SPIB: variants seen among roughly 807,000 people sequenced by gnomAD.
The protein encoded by SPIB is transcription factor Spi-B.
A neutral mutation model predicts 31.9 loss-of-function variants in SPIB; 7 were observed. The ratio of observed to expected loss-of-function variants is 0.22; its 90% CI spans 0.12 to 0.41. The LOEUF (loss-of-function observed/expected upper bound fraction) is 0.41, where lower values mean the gene tolerates loss of function less well. Ranked by LOEUF, SPIB falls within the 10% of genes least tolerant of loss-of-function variation. SPIB has a pLI of 1.00. For missense variants in SPIB, 327 were observed against 360.2 expected, an observed-to-expected ratio of 0.91 and a Z score of 0.75; for synonymous variants, 176 against 158.9, an observed-to-expected ratio of 1.11 and a Z score of -0.81.
Position 50,422,979 on chromosome 19 carries a change from G to A in SPIB, c.281G>A (p.Ser94Asn). 6.3e-7 allele frequency: 1 copy of A among 1,576,188 alleles called. No homozygotes were observed. Among genetic ancestry groups the A allele is most frequent in the Non-Finnish European group, 8.6e-7 (1 of 1,159,060 alleles). Residue 94 changes from serine to asparagine, a missense_variant, in exon 4 of 6, where the codon AGC (serine) becomes AAC (asparagine). By Grantham distance (46) the Ser-to-Asn change is conservative. Around this residue, in one of 4 missense-constraint regions of SPIB, gnomAD observed 238 missense variants for 228.8 expected, o/e 1.04. Transcript: ENST00000595883. ...GCAGGGAACCTCGAACTGGCCCCCA[G>A]CCTGGAGGCCCCGGGGCCTGGCCTC... Reference protein sequence around the residue: ...SPAGNLELAPSLEAPGPGLPA... With the variant: ...SPAGNLELAPNLEAPGPGLPA...
At chr19:50,420,294 T>C (rs2039478332) in intron 2 of SPIB, among the ~76,000 whole-genome samples, 1 of 152,228 alleles carries the variant, frequency 6.6e-6, no homozygotes, top group African/African-American at 2.4e-5. Context: ...CGGAATACTA[T>C]ACCCAACACC....
intron 1 of SPIB, 24 bp from the exon 2 acceptor site, chr19:50,419,922 G>C: frequency 6.5e-7 from 1 of 1,540,674 alleles, no homozygotes; most frequent in South Asian, 1.2e-5. Context: ...GCCTCAGCAT[G>C]CCCCTGTGTC....
chr19:50,419,640 C>T (rs1489450332), intron 1 of SPIB, among the ~76,000 whole-genome samples: 1 of 152,128 alleles, frequency 6.6e-6, no homozygotes, highest in Admixed American at 6.5e-5. Context: ...CCGCACTTGA[C>T]CCAGGCCCCC....
chr19:50,422,297 G>C (rs1396469606), intron 2 of SPIB, among the ~76,000 whole-genome samples, 176 bp from the exon 3 acceptor site: 1 of 152,156 alleles, frequency 6.6e-6, no homozygotes, highest in Non-Finnish European at 1.5e-5. Flanking sequence ...CTGTATCTCT[G>C]TCTCTTTGTC....
chr19:50,419,454 T>C (rs911325349), intron 1 of SPIB, among the ~76,000 whole-genome samples: 1 of 152,102 alleles, frequency 6.6e-6, no homozygotes, highest in Non-Finnish European at 1.5e-5. Context: ...CATCTGGGGC[T>C]CCAGGAATCC....
intron 1 of SPIB, 35 bp from the exon 2 acceptor site, chr19:50,419,910 CA>C (rs1338148738): frequency 5.9e-6 from 9 of 1,531,428 alleles, no homozygotes; most frequent in African/African-American, 1.4e-5. Flanking sequence ...TGGCTGGAGG[CA>C]GCCTCAGCAT....
intron 5 of SPIB, 129 bp downstream of exon 5, chr19:50,423,884 C>A: frequency 8.9e-7 from 1 of 1,124,498 alleles, no homozygotes; most frequent in Non-Finnish European, 1.2e-6. Context: ...GCACCACCTG[C>A]TGGCTGTGTG....
intron 2 of SPIB, among the ~76,000 whole-genome samples, chr19:50,420,518 C>G (rs1424305123): frequency 6.6e-6 from 1 of 152,260 alleles, no homozygotes; most frequent in Non-Finnish European, 1.5e-5. Flanking sequence ...CAAGCCAGAT[C>G]AAGATACCGA....
intron 3 of SPIB, 84 bp from the exon 4 acceptor site, chr19:50,422,739 A>G (rs2039512218): frequency 1.8e-6 from 2 of 1,103,608 alleles, no homozygotes; most frequent in Non-Finnish European, 2.7e-6. Context: ...CACAGCCTAC[A>G]ATGGCCTCTC....
At position 50,428,385 on chromosome 19, in the gene SPIB, C is replaced by T. The variant is rs1029478877; in HGVS notation, c.*49C>T. 6.7e-7 allele frequency: 1 copy of T among 1,482,428 alleles called. No homozygotes were observed. Among genetic ancestry groups the T allele is most frequent in the African/African-American group, 1.4e-5 (1 of 70,846 alleles). 91.8% of individuals were successfully genotyped at this position (1,482,428 alleles called of 1,614,324 possible). ...GGAGCCGCTGGGGGACCTCACGTCC[C>T]AGCCAGGATCCCCCTGGAAGAAAAA... On this transcript the variant is annotated 3_prime_UTR_variant, in exon 6 of 6. Transcript: ENST00000595883. This position sits in a 1 kb window ranked among gnomAD's most constrained non-coding sequence, Gnocchi z 6.5.
At chr19:50,426,710 G>C (rs529837980) in intron 5 of SPIB, among the ~76,000 whole-genome samples, 132 of 151,964 alleles carry the variant, frequency 8.7e-4, no homozygotes, top group Non-Finnish European at 1.3e-3. Context: ...GGCCAGGCTT[G>C]TCTCGAACTC....
intron 2 of SPIB, among the ~76,000 whole-genome samples, chr19:50,421,050 A>G (rs1006172155): frequency 6.6e-6 from 1 of 152,188 alleles, no homozygotes; most frequent in Non-Finnish European, 1.5e-5. Context: ...ATAGTACTCT[A>G]TCTATGATCA....
At chr19:50,422,743 G>C in intron 3 of SPIB, 80 bp from the exon 4 acceptor site, 1 of 1,099,128 alleles carries the variant, frequency 9.1e-7, no homozygotes, top group Non-Finnish European at 1.3e-6. Context: ...GCCTACAATG[G>C]CCTCTCTGTG....
chr19:50,422,694 C>T (rs2039511917), intron 3 of SPIB, 129 bp from the exon 4 acceptor site: 13 of 1,066,090 alleles, frequency 1.2e-5, no homozygotes, highest in Non-Finnish European at 1.5e-5. Flanking sequence ...CCTACCCATC[C>T]GCTCCTCCAT....
At chr19:50,419,871 A>T in intron 1 of SPIB, 75 bp from the exon 2 acceptor site, 1 of 1,466,398 alleles carries the variant, frequency 6.8e-7, no homozygotes, top group Non-Finnish European at 9.1e-7. Flanking sequence ...CCGCCTCCCC[A>T]TCAGCCCCCA....
intron 4 of SPIB, 85 bp from the exon 5 acceptor site, chr19:50,423,520 G>C (rs1164848689): frequency 2.3e-5 from 36 of 1,536,644 alleles, no homozygotes; most frequent in Non-Finnish European, 3.1e-5. Flanking sequence ...ACCAGAGCCA[G>C]GAGGGCCACC....
chr19:50,424,251 T>C (rs1178442226), intron 5 of SPIB, among the ~76,000 whole-genome samples: 1 of 152,160 alleles, frequency 6.6e-6, no homozygotes, highest in Non-Finnish European at 1.5e-5. Context: ...ATCACTGTCA[T>C]CCTCCCCATC....
At chr19:50,425,722 A>G (rs1048693051) in intron 5 of SPIB, among the ~76,000 whole-genome samples, 7 of 152,206 alleles carry the variant, frequency 4.6e-5, no homozygotes, top group African/African-American at 1.4e-4. Context: ...AGTTACAGGC[A>G]TGAGCCACCA....
Position 50,419,969 on chromosome 19 carries a change from G to A in SPIB, c.47G>A (p.Cys16Tyr). ...AAQLDGPHFS[C>Y]LYPDGVFYDL... ...AGGCTCGACGGGCCACACTTCAGCT[G>A]TCTGGTGAGTTGGGGCCCCTGGGGG... The change falls in exon 2 of 6, where the codon TGT becomes TAT. Residue 16 changes from cysteine to tyrosine, a missense_variant. Coordinates refer to ENST00000595883, the MANE Select transcript of SPIB (RefSeq NM_003121.5). The A allele has an allele frequency of 6.7e-7, 1 of 1,502,530 alleles. No individual in the cohort carries two copies. The highest frequency in any genetic ancestry group is 1.5e-5 in the African/African-American group (1 of 68,404). The allele number at this position is 1,502,530 out of a possible 1,614,324, so 93.1% of individuals were successfully genotyped here. A position where few individuals can be genotyped will look rare whatever the true frequency, so the allele number is the denominator to read the frequency against.
Sources: gnomAD v4.1 joint callset for allele counts (sites outside exome capture counted in the v4.1 genomes callset) on GRCh38, gnomAD v4.1.1 for gene constraint, gnomAD v4.1.1 regional missense constraint, Gnocchi (gnomAD v3.1) non-coding constraint, MANE v1.5 for transcripts, NCBI Gene and HGNC (gene_info 2026-07-23, HGNC 2026-07-21) for gene names.